The following KLHL13 variants were observed in gnomAD, a reference collection of about 807,000 sequenced individuals.
The protein encoded by KLHL13 is kelch like family member 13, also known as kelch-like protein 13.
A neutral mutation model predicts 37.1 loss-of-function variants in KLHL13; 10 were observed. The ratio of observed to expected loss-of-function variants is 0.27; its 90% CI spans 0.17 to 0.46. KLHL13 has a LOEUF of 0.46. Among genes scored for constraint, KLHL13 ranks in the 20% least tolerant of loss-of-function variants. KLHL13 has a pLI of 1.00. For missense variants in KLHL13, 360 were observed against 509.3 expected (o/e 0.71, Z 2.82); for synonymous variants, 163 against 181.2 (o/e 0.90, Z 0.81).
chrX:117,996,036 TG>T, intron 1 of KLHL13, among the ~76,000 whole-genome samples: 1 of 111,518 alleles, frequency 9.0e-6, no homozygotes, highest in South Asian at 3.8e-4. Flanking sequence ...TCTGAATTTC[TG>T]GGTGAACATA....
At chrX:117,992,235 A>G (rs771369046) in intron 1 of KLHL13, among the ~76,000 whole-genome samples, 1 of 74,147 alleles carries the variant, frequency 1.3e-5, no homozygotes, top group African/African-American at 7.9e-5. Context: ...ACTGAGATGT[A>G]AAAAAAAAAA....
At chrX:117,919,540 T>G (rs772006557) in exon 4 of KLHL13, 6 of 1,208,138 alleles carry the variant, frequency 5.0e-6, no homozygotes, top group Non-Finnish European at 4.5e-6. Context: ...GAGAAACACT[T>G]TACAGAAGTC....
At chrX:117,980,720 C>T (rs189836787) in intron 1 of KLHL13, among the ~76,000 whole-genome samples, 1 of 111,653 alleles carries the variant, frequency 9.0e-6, no homozygotes, top group East Asian at 2.8e-4. Flanking sequence ...TTACCATTTC[C>T]TAGGTTTAAT....
chrX:118,099,919 A>AAAGGAAGGAAGAAAGGAAGG (rs2055268185), intron 1 of KLHL13, among the ~76,000 whole-genome samples: 1 of 102,199 alleles, frequency 9.8e-6, no homozygotes, highest in African/African-American at 3.9e-5. Flanking sequence ...AGGAAGGAAG[A>AAAGGAAGGAAGAAAGGAAGG]AAGGAAGGAA....
intron 1 of KLHL13, among the ~76,000 whole-genome samples, chrX:117,953,373 G>A (rs1158014291): frequency 9.1e-6 from 1 of 109,970 alleles, no homozygotes; most frequent in African/African-American, 3.3e-5. Context: ...ATGGACACAA[G>A]AAGGGGAACA....
chrX:117,993,673 G>A (rs755759814), intron 1 of KLHL13, among the ~76,000 whole-genome samples: 1 of 110,208 alleles, frequency 9.1e-6, no homozygotes, highest in East Asian at 2.9e-4. Flanking sequence ...CCAAGTTACT[G>A]AGAGAGAAAA....
intron 2 of KLHL13, among the ~76,000 whole-genome samples, chrX:117,937,045 A>C (rs1249273731): frequency 3.6e-5 from 4 of 111,780 alleles, no homozygotes; most frequent in Non-Finnish European, 7.5e-5. Context: ...AGTGAGGCTT[A>C]TTACAACAGT....
intron 1 of KLHL13, 109 bp from the exon 3 acceptor site, chrX:117,945,684 A>G (rs1425430262): frequency 1.7e-6 from 1 of 573,269 alleles, no homozygotes; most frequent in African/African-American, 2.3e-5. Context: ...TGACCATGCA[A>G]TATGGTGAAT....
intron 1 of KLHL13, among the ~76,000 whole-genome samples, chrX:118,036,860 T>C (rs1371464162): frequency 1.9e-5 from 2 of 107,863 alleles, no homozygotes; most frequent in African/African-American, 6.8e-5. Flanking sequence ...AAAGGGCTAA[T>C]ATCCAGAATC....
chrX:118,082,415 A>G (rs954543596), intron 1 of KLHL13, among the ~76,000 whole-genome samples: 1 of 111,505 alleles, frequency 9.0e-6, no homozygotes, highest in Non-Finnish European at 1.9e-5. Context: ...TTATTTTGAG[A>G]AACAGCTCTT....
rs189032947 is a variant in KLHL13 at position 118,005,558 on chromosome X, G to A, written c.-55-59983C>T. 4.3e-3 allele frequency among the ~76,000 whole-genome samples: 478 copies of A among 111,468 alleles called. 1 individual carries two copies. Among genetic ancestry groups the A allele is most frequent in the Admixed American group, 6.7e-3 (70 of 10,441 alleles). ...AGATTATCCTGGATTATTCAGTTGT[G>A]CTCCTCAACATTGGAAGAGGAAAGC... On this transcript the variant is annotated intron_variant, in intron 1 of 6. Transcript: ENST00000371882.
chrX:118,070,652 T>C (rs2054848556), intron 1 of KLHL13, among the ~76,000 whole-genome samples: 1 of 111,480 alleles, frequency 9.0e-6, no homozygotes, highest in African/African-American at 3.3e-5. Context: ...TTTTTTTTTG[T>C]CTGCTTGTTC....
At chrX:117,909,772 C>T (rs762285495) in exon 5 of KLHL13, 2 of 1,211,592 alleles carry the variant, frequency 1.7e-6, no homozygotes, top group Admixed American at 4.3e-5. Context: ...ATGAAATCCA[C>T]CGTTTGCACG....
At chrX:117,945,932 C>CTAATTT (rs2147803915) in intron 1 of KLHL13, 1 of 121,907 alleles carries the variant, frequency 8.2e-6, no homozygotes, top group East Asian at 2.4e-4. Context: ...TTTGGAACAC[C>CTAATTT]TAATTTTGAA....
chrX:117,958,867 G>T (rs1350226472), intron 1 of KLHL13, among the ~76,000 whole-genome samples: 2 of 110,870 alleles, frequency 1.8e-5, no homozygotes, highest in Non-Finnish European at 3.8e-5. Flanking sequence ...ATCCATAAGG[G>T]TATCAGTTCA....
intron 1 of KLHL13, among the ~76,000 whole-genome samples, chrX:118,010,039 G>C (rs1434334361): frequency 4.6e-5 from 5 of 109,546 alleles, no homozygotes; most frequent in Non-Finnish European, 9.5e-5. Context: ...ACCACTATGA[G>C]ATACCATCTC....
At chrX:117,995,602 G>A (rs937666295) in intron 1 of KLHL13, among the ~76,000 whole-genome samples, 3 of 110,931 alleles carry the variant, frequency 2.7e-5, no homozygotes, top group African/African-American at 9.8e-5. Flanking sequence ...ATCTTGTTGT[G>A]AAACATTTTA....
At chrX:117,992,402 A>G (rs986445224) in intron 1 of KLHL13, among the ~76,000 whole-genome samples, 1 of 110,981 alleles carries the variant, frequency 9.0e-6, no homozygotes, top group Non-Finnish European at 1.9e-5. Context: ...GTTAAATACA[A>G]TATTTTGAGC....
Position 118,101,800 on chromosome X carries a change from G to A in KLHL13, c.-56+14708C>T, listed in dbSNP as rs184954875. Among the ~76,000 whole-genome samples the A allele has an allele frequency of 5.8e-3, 649 of 111,244 alleles. 2 individuals carry two copies. Among genetic ancestry groups the A allele is most frequent in the Non-Finnish European group, 9.3e-3 (495 of 53,002 alleles). On this transcript the variant is annotated intron_variant, in intron 1 of 6. Transcript: ENST00000371882. The stretch of plus-strand genomic sequence containing the variant: ...CTAATGAGATCTGATGGTTTTATAA[G>A]TGTTTAGAAGTTCCTCCTTCACTCT...
Sources: allele counts gnomAD v4.1 joint callset (sites outside exome capture counted in the v4.1 genomes callset), GRCh38; gene constraint gnomAD v4.1.1; transcripts MANE v1.5; gene names NCBI Gene and HGNC (gene_info 2026-07-23, HGNC 2026-07-21).